Variants in DAO observed in about 807,000 individuals in gnomAD.
DAO encodes D-amino acid oxidase, also known as D-amino-acid oxidase.
A neutral mutation model predicts 50.1 loss-of-function variants in DAO; 51 were observed. That is an observed-to-expected ratio of 1.02 (90% CI 0.81 to 1.29). The LOEUF (loss-of-function observed/expected upper bound fraction) is 1.29. Ranked by LOEUF, DAO falls within the 50% of genes most tolerant of loss-of-function variation. The probability of loss-of-function intolerance (pLI) is 0.00; values close to 1 mark genes in which losing one functional copy is unlikely to be tolerated. For missense variants in DAO, 436 were observed against 439.4 expected (o/e 0.99, Z 0.07); for synonymous variants, 160 against 166.2 (o/e 0.96, Z 0.29).
intron 7 of DAO, among the ~76,000 whole-genome samples, chr12:108,896,486 G>A (rs535949735): frequency 1.7e-4 from 25 of 151,480 alleles, no homozygotes; most frequent in African/African-American, 5.8e-4. Flanking sequence ...TTCTGTATCT[G>A]GGAAGATAAG....
intron 2 of DAO, among the ~76,000 whole-genome samples, chr12:108,887,029 T>C (rs1468743270): frequency 2.0e-5 from 3 of 152,086 alleles, no homozygotes; most frequent in African/African-American, 7.2e-5. Context: ...AGGTGAGCTG[T>C]GTGCCCAGGG....
In DAO at chr12:108,887,554, A is replaced by C; in HGVS notation, c.299A>C (p.Glu100Ala). The change falls in exon 3 of 11, where the codon GAA (glutamate) becomes GCA (alanine). Residue 100 changes from glutamate to alanine, a missense_variant. By Grantham distance (107) the Glu-to-Ala change is moderately radical. Transcript: ENST00000228476. ...FLISGYNLFH[E>A]AIPDPSWKDT... ...ATCTCGGGCTACAACCTCTTCCATG[A>C]AGCCATTCCGGTGGGTGAACAGTTC... 2 of 1,612,418 alleles carry C rather than the reference A, an allele frequency of 1.2e-6. No individual in the cohort carries two copies. The highest frequency in any genetic ancestry group is 1.7e-6 in the Non-Finnish European group (2 of 1,178,458).
intron 6 of DAO, among the ~76,000 whole-genome samples, chr12:108,893,790 T>C (rs1052558427): frequency 6.6e-6 from 1 of 152,154 alleles, no homozygotes; most frequent in Non-Finnish European, 1.5e-5. Flanking sequence ...ATCTCATCTG[T>C]AGACAGAGCT....
chr12:108,891,779 T>C (rs1034636247), intron 5 of DAO, among the ~76,000 whole-genome samples: 5 of 152,080 alleles, frequency 3.3e-5, no homozygotes, highest in African/African-American at 1.2e-4. Context: ...TTAAATATTT[T>C]TGTAGAGATA....
chr12:108,880,652 C>G (rs773789083), intron 1 of DAO, among the ~76,000 whole-genome samples: 1 of 148,208 alleles, frequency 6.7e-6, no homozygotes, highest in Non-Finnish European at 1.5e-5. Flanking sequence ...GAGAAGTAGC[C>G]GTGTGGTGCA....
intron 7 of DAO, among the ~76,000 whole-genome samples, chr12:108,895,181 C>T (rs1353192532): frequency 7.0e-6 from 1 of 143,770 alleles, no homozygotes; most frequent in East Asian, 1.9e-4. Flanking sequence ...TCCAGGCAAC[C>T]TGGCTTAAGA....
intron 1 of DAO, among the ~76,000 whole-genome samples, chr12:108,884,049 G>T (rs940611440): frequency 3.9e-5 from 6 of 152,232 alleles, no homozygotes; most frequent in South Asian, 2.1e-4. Context: ...ATATTTCCCT[G>T]CTGTGCGGGC....
chr12:108,883,933 C>T (rs2039407138), intron 1 of DAO, among the ~76,000 whole-genome samples: 1 of 152,256 alleles, frequency 6.6e-6, no homozygotes, highest in Admixed American at 6.5e-5. Context: ...TTGCCAGGAG[C>T]TGAGGTCTGC....
Position 108,898,727 on chromosome 12 carries a change from T to G in DAO, c.744T>G (p.Ser248Arg), listed in dbSNP as rs1555246643. ...LGGIFQLGNWSELNNIQDHNT... is the reference protein window; with the variant it reads ...LGGIFQLGNWRELNNIQDHNT... ...GCATCTTCCAGTTGGGAAACTGGAG[T>G]GAACTAAACAATATCCAGGACCACA... Residue 248 changes from serine (S) to arginine (R), a missense_variant, in exon 9 of 11, where the codon AGT becomes AGG. Physicochemically the swap from Ser to Arg is moderately radical, Grantham distance 110. Transcript: ENST00000228476. 6.2e-7 allele frequency: 1 copy of G among 1,613,340 alleles called. No homozygotes were observed. The highest frequency in any genetic ancestry group is 8.5e-7 in the Non-Finnish European group (1 of 1,179,874).
intron 3 of DAO, among the ~76,000 whole-genome samples, chr12:108,888,450 C>T (rs2039457414): frequency 6.6e-6 from 1 of 151,844 alleles, no homozygotes; most frequent in South Asian, 2.1e-4. Context: ...ATTCTCCTGT[C>T]TCAGCCTCCT....
chr12:108,896,907 C>T (rs2039566409), intron 7 of DAO, 99 bp from the exon 8 acceptor site: 4 of 880,274 alleles, frequency 4.5e-6, no homozygotes, highest in Non-Finnish European at 5.8e-6. Context: ...AAGGAATCAG[C>T]CTGGCCACTC....
chr12:108,900,055 T>G, intron 10 of DAO: 1 of 343,570 alleles, frequency 2.9e-6, no homozygotes, highest in Non-Finnish European at 5.6e-6. Context: ...TGGAGCTCTT[T>G]GGGATAGGGA....
At position 108,897,310 on chromosome 12, in the gene DAO, A is replaced by G. The variant is rs755498610; in HGVS notation, c.695+222A>G. ...TGGCTCACTGCAACCTCTGCCTCCC[A>G]GGTTCAAGCAATTATCCTGCCTCAG... is the stretch of plus-strand genomic sequence containing the variant. On this transcript the variant is annotated intron_variant, in intron 8 of 10. Coordinates refer to ENST00000228476, the MANE Select transcript of DAO (RefSeq NM_001917.5). 5.8e-4 allele frequency among the ~76,000 whole-genome samples: 88 copies of G among 152,080 alleles called. 1 individual carries two copies. The highest frequency in any genetic ancestry group is 1.6e-4 in the Non-Finnish European group (11 of 68,000).
chr12:108,892,159 C>CTTTT (rs11356161), intron 5 of DAO, among the ~76,000 whole-genome samples: 124 of 108,962 alleles, frequency 1.1e-3, no homozygotes, highest in African/African-American at 1.8e-3. Context: ...TTTCTTTCTT[C>CTTTT]TTTTTTTTTT....
At chr12:108,897,671 A>C (rs540483469) in intron 8 of DAO, among the ~76,000 whole-genome samples, 4 of 149,970 alleles carry the variant, frequency 2.7e-5, no homozygotes, top group African/African-American at 9.8e-5. Flanking sequence ...TAAAAGTGGT[A>C]TGTAGGTGGC....
At chr12:108,891,113 GC>G (rs1431674794) in intron 5 of DAO, among the ~76,000 whole-genome samples, 9 of 152,042 alleles carry the variant, frequency 5.9e-5, no homozygotes, top group Admixed American at 2.0e-4. Flanking sequence ...CAGCCACCAC[GC>G]CCAGCCTGAT....
At chr12:108,887,263 A>C (rs79851300) in intron 2 of DAO, among the ~76,000 whole-genome samples, 187 bp from the exon 3 acceptor site, 1,864 of 152,214 alleles carry the variant, frequency 0.012, 39 homozygotes, top group African/African-American at 0.043. Flanking sequence ...TTAATGGGGA[A>C]ATATTGGAAA....
intron 8 of DAO, chr12:108,898,364 C>T: frequency 2.6e-6 from 1 of 385,028 alleles, no homozygotes. Flanking sequence ...CATGTTATCT[C>T]AATGGCGATG....
intron 7 of DAO, 108 bp downstream of exon 7, chr12:108,894,475 C>T: frequency 1.1e-6 from 1 of 916,262 alleles, no homozygotes; most frequent in Middle Eastern, 2.1e-4. Flanking sequence ...GTTAGAGGAA[C>T]CCCCCGGACT....
Sources: gnomAD v4.1 joint callset for allele counts (sites outside exome capture counted in the v4.1 genomes callset) on GRCh38, gnomAD v4.1.1 for gene constraint, MANE v1.5 for transcripts, NCBI Gene and HGNC (gene_info 2026-07-23, HGNC 2026-07-21) for gene names.